Variants in SLC49A4 observed in about 807,000 individuals in gnomAD.
The protein encoded by SLC49A4 is solute carrier family 49 member 4.
SLC49A4 carries 36 observed loss-of-function variants against 50.6 expected under a neutral mutation model. That is an observed-to-expected ratio of 0.71 (90% CI 0.55 to 0.94). SLC49A4 has a LOEUF of 0.94. Ranked by LOEUF, SLC49A4 falls within the 40% of genes least tolerant of loss-of-function variation. The probability of loss-of-function intolerance (pLI) is 0.00; values close to 1 mark genes in which losing one functional copy is unlikely to be tolerated. For synonymous variants in SLC49A4, 248 were observed against 241.2 expected, an observed-to-expected ratio of 1.03 and a Z score of -0.26; for missense variants, 503 against 605.7, an observed-to-expected ratio of 0.83 and a Z score of 1.78.
chr3:122,822,739 C>A (rs1178961498), intron 2 of SLC49A4, among the ~76,000 whole-genome samples: 1 of 152,128 alleles, frequency 6.6e-6, no homozygotes, highest in African/African-American at 2.4e-5. Context: ...TCTTGCTCGA[C>A]TCCCATTCCT....
chr3:122,835,049 T>G (rs1317012240), intron 4 of SLC49A4, among the ~76,000 whole-genome samples: 1 of 152,130 alleles, frequency 6.6e-6, no homozygotes, highest in East Asian at 1.9e-4. Flanking sequence ...TGAGATTGAT[T>G]CAGTAACTTA....
intron 8 of SLC49A4, among the ~76,000 whole-genome samples, chr3:122,873,725 T>C (rs1937225078): frequency 6.6e-6 from 1 of 152,238 alleles, no homozygotes; most frequent in African/African-American, 2.4e-5. Flanking sequence ...GGCCACTCTT[T>C]GTTGTCCTGG....
At chr3:122,878,656 T>C (rs1350919966) in intron 8 of SLC49A4, among the ~76,000 whole-genome samples, 1 of 152,230 alleles carries the variant, frequency 6.6e-6, no homozygotes, top group Admixed American at 6.5e-5. Flanking sequence ...CCATTCATGC[T>C]GGTAGAGAAA....
intron 7 of SLC49A4, among the ~76,000 whole-genome samples, chr3:122,870,151 CA>C (rs1273385693): frequency 6.6e-6 from 1 of 152,002 alleles, no homozygotes; most frequent in East Asian, 1.9e-4. Flanking sequence ...AGTATTATTT[CA>C]AAACATGTTT....
intron 2 of SLC49A4, among the ~76,000 whole-genome samples, chr3:122,813,106 C>T (rs917410737): frequency 1.3e-5 from 2 of 151,912 alleles, no homozygotes; most frequent in Non-Finnish European, 2.9e-5. Context: ...AAAAATTAGC[C>T]GGGCGTGGAG....
chr3:122,813,580 G>C (rs1056314955), intron 2 of SLC49A4, among the ~76,000 whole-genome samples: 6 of 152,128 alleles, frequency 3.9e-5, no homozygotes, highest in African/African-American at 1.4e-4. Flanking sequence ...AGTAGACCGA[G>C]TTGAAATTTA....
Position 122,880,997 on chromosome 3 carries a change from G to A in SLC49A4, c.*1619G>A, listed in dbSNP as rs543916524. 22 of 152,212 alleles carry A rather than the reference G, an allele frequency of 1.4e-4. No individual in the cohort carries two copies. The highest frequency in any genetic ancestry group is 5.3e-4 in the African/African-American group (22 of 41,530). 9.4% of individuals were successfully genotyped at this position (152,212 alleles called of 1,614,324 possible). A position where few individuals can be genotyped will look rare whatever the true frequency, so the allele number is the denominator to read the frequency against. On this transcript the variant is annotated 3_prime_UTR_variant, in exon 9 of 9. Coordinates refer to ENST00000261038, the MANE Select transcript of SLC49A4 (RefSeq NM_032839.3). ...ATCTGTCTTCAGTCATCTTTAAATCGTCTCTCTTTATAAACACTCTGCTCA... is the reference window on the plus strand; with the variant it reads ...ATCTGTCTTCAGTCATCTTTAAATCATCTCTCTTTATAAACACTCTGCTCA...
intron 7 of SLC49A4, among the ~76,000 whole-genome samples, chr3:122,868,115 CAA>C (rs748874580): frequency 5.1e-4 from 51 of 99,370 alleles, no homozygotes; most frequent in Admixed American, 5.2e-4. Context: ...ACTCCGTCTC[CAA>C]AAAAAAAAAA....
intron 1 of SLC49A4, among the ~76,000 whole-genome samples, chr3:122,797,501 A>G (rs908002572): frequency 6.6e-6 from 1 of 152,202 alleles, no homozygotes; most frequent in Non-Finnish European, 1.5e-5. Context: ...TCAAAGCAAT[A>G]CAAGGAAGAA....
intron 1 of SLC49A4, among the ~76,000 whole-genome samples, chr3:122,797,853 C>T (rs758347527): frequency 5.9e-5 from 9 of 151,924 alleles, no homozygotes; most frequent in African/African-American, 1.2e-4. Context: ...TGTTGGCATG[C>T]GCCTGTAGTC....
At chr3:122,809,917 G>C (rs1010979628) in intron 2 of SLC49A4, among the ~76,000 whole-genome samples, 1 of 152,168 alleles carries the variant, frequency 6.6e-6, no homozygotes, top group African/African-American at 2.4e-5. Flanking sequence ...CTTTTAAGCA[G>C]TGTTGTTAAC....
chr3:122,841,977 C>T (rs1936777179), intron 4 of SLC49A4, among the ~76,000 whole-genome samples: 1 of 152,106 alleles, frequency 6.6e-6, no homozygotes, highest in African/African-American at 2.4e-5. Context: ...ATTAGTGGCA[C>T]ACATTTGTAA....
intron 7 of SLC49A4, among the ~76,000 whole-genome samples, chr3:122,871,991 A>G (rs1937201756): frequency 6.6e-6 from 1 of 152,198 alleles, no homozygotes. Context: ...GCTTGAAAGC[A>G]ATTATTAACC....
intron 5 of SLC49A4, among the ~76,000 whole-genome samples, chr3:122,852,836 C>G (rs1194222112): frequency 2.0e-5 from 3 of 152,078 alleles, no homozygotes; most frequent in African/African-American, 7.2e-5. Context: ...AGCAGACAAC[C>G]CTAAAGGAAA....
chr3:122,818,436 AT>A (rs1037896587), intron 2 of SLC49A4, among the ~76,000 whole-genome samples: 8 of 151,916 alleles, frequency 5.3e-5, no homozygotes, highest in African/African-American at 9.7e-5. Context: ...TTTATAGATG[AT>A]TTTTTTTCTT....
At chr3:122,823,327 A>G (rs1936479626) in intron 2 of SLC49A4, among the ~76,000 whole-genome samples, 1 of 152,228 alleles carries the variant, frequency 6.6e-6, no homozygotes, top group Admixed American at 6.5e-5. Flanking sequence ...CCACATGCAT[A>G]TATGCAAAGC....
At chr3:122,873,362 T>C (rs552310627) in intron 8 of SLC49A4, among the ~76,000 whole-genome samples, 2 of 152,170 alleles carry the variant, frequency 1.3e-5, no homozygotes, top group South Asian at 2.1e-4. Context: ...GTGTTTTTAG[T>C]AGAGACGGGG....
At chr3:122,873,833 T>G (rs1449811216) in intron 8 of SLC49A4, among the ~76,000 whole-genome samples, 1 of 152,248 alleles carries the variant, frequency 6.6e-6, no homozygotes, top group Non-Finnish European at 1.5e-5. Context: ...AATCATTACA[T>G]ATCAGCTTTA....
chr3:122,829,462 C>T (rs570708888), intron 3 of SLC49A4, among the ~76,000 whole-genome samples: 1 of 152,262 alleles, frequency 6.6e-6, no homozygotes, highest in Non-Finnish European at 1.5e-5. Flanking sequence ...CTATTGGAAA[C>T]CCACAAGAGG....
Sources: gnomAD v4.1 joint callset for allele counts (sites outside exome capture counted in the v4.1 genomes callset) on GRCh38, gnomAD v4.1.1 for gene constraint, MANE v1.5 for transcripts, NCBI Gene and HGNC (gene_info 2026-07-23, HGNC 2026-07-21) for gene names.